Variants in RIT2 observed in about 807,000 individuals in gnomAD.
The protein encoded by RIT2 is GTP-binding protein Rit2.
Under a neutral mutation model 23.7 loss-of-function variants are expected in RIT2, and 24 were observed. The observed-to-expected ratio is 1.01, with a 90% confidence interval of 0.73 to 1.43. The LOEUF (loss-of-function observed/expected upper bound fraction) is 1.43, where lower values mean the gene tolerates loss of function less well. Among genes scored for constraint, RIT2 ranks in the 40% most tolerant of loss-of-function variants. The pLI is 0.00. For missense variants in RIT2, 236 were observed against 266.9 expected, an observed-to-expected ratio of 0.88 and a Z score of 0.81; for synonymous variants, 107 against 91.1, an observed-to-expected ratio of 1.17 and a Z score of -0.99.
At chr18:42,888,630 T>G (rs1366941050) in intron 4 of RIT2, among the ~76,000 whole-genome samples, 1 of 152,016 alleles carries the variant, frequency 6.6e-6, no homozygotes, top group African/African-American at 2.4e-5. Context: ...TGCTGCAGTA[T>G]TCACAATAGC....
At chr18:42,766,869 T>G (rs1042775717) in intron 4 of RIT2, among the ~76,000 whole-genome samples, 1 of 152,234 alleles carries the variant, frequency 6.6e-6, no homozygotes, top group Admixed American at 6.5e-5. Flanking sequence ...TTTTGGCCTG[T>G]GGCTTCAGAG....
intron 1 of RIT2, among the ~76,000 whole-genome samples, chr18:43,093,909 G>A (rs949642939): frequency 1.3e-5 from 2 of 151,994 alleles, no homozygotes. Context: ...GGTTTGGATT[G>A]CATAAGAAAC....
At chr18:43,025,685 A>G (rs908843707) in intron 2 of RIT2, among the ~76,000 whole-genome samples, 1 of 152,148 alleles carries the variant, frequency 6.6e-6, no homozygotes, top group African/African-American at 2.4e-5. Context: ...TGTCTTCTGC[A>G]GCACATGGAT....
In RIT2 at chr18:42,766,953, T is replaced by A. The variant is rs184072326; in HGVS notation, c.427-23233A>T. ...GGTGCACAGAAGTCAATAATTTAGGTTTGGGAGCCTCCGCCTAGATTTCAG... is the reference window on the plus strand; with the variant it reads ...GGTGCACAGAAGTCAATAATTTAGGATTGGGAGCCTCCGCCTAGATTTCAG... On this transcript the variant is annotated intron_variant, in intron 4 of 4. Coordinates refer to ENST00000326695, the MANE Select transcript of RIT2 (RefSeq NM_002930.4). 5.2e-3 allele frequency among the ~76,000 whole-genome samples: 789 copies of A among 152,234 alleles called. 6 individuals carry two copies. The highest frequency in any genetic ancestry group is 7.5e-3 in the Non-Finnish European group (508 of 68,012).
chr18:42,915,209 G>A (rs557822283), intron 4 of RIT2, among the ~76,000 whole-genome samples: 1 of 151,358 alleles, frequency 6.6e-6, no homozygotes, highest in African/African-American at 2.4e-5. Flanking sequence ...ATCGAGTACA[G>A]CCAGAGCCTA....
At chr18:43,069,265 T>C (rs1462946883) in intron 1 of RIT2, among the ~76,000 whole-genome samples, 1 of 152,094 alleles carries the variant, frequency 6.6e-6, no homozygotes, top group Non-Finnish European at 1.5e-5. Flanking sequence ...GTGTTCCTCC[T>C]CTTACTATTG....
chr18:43,055,527 C>A (rs1445716367), intron 1 of RIT2, among the ~76,000 whole-genome samples: 1 of 151,986 alleles, frequency 6.6e-6, no homozygotes, highest in Non-Finnish European at 1.5e-5. Flanking sequence ...AGAAAAGAGT[C>A]AAAAATGATT....
At chr18:42,797,556 G>T (rs748042966) in intron 4 of RIT2, among the ~76,000 whole-genome samples, 9 of 151,956 alleles carry the variant, frequency 5.9e-5, no homozygotes, top group African/African-American at 1.2e-4. Flanking sequence ...TGTTACTATT[G>T]TTTGTTGCAA....
At chr18:42,751,162 C>T (rs1299447344) in intron 4 of RIT2, among the ~76,000 whole-genome samples, 2 of 151,582 alleles carry the variant, frequency 1.3e-5, no homozygotes, top group African/African-American at 4.8e-5. Flanking sequence ...TCAGTGGTGC[C>T]CTGACATTGA....
rs562415395 is a variant in RIT2, at chr18:42,821,037, T to TC, written c.427-77318dup. 2.1e-3 allele frequency among the ~76,000 whole-genome samples: 313 copies of TC among 152,114 alleles called. 9 individuals carry two copies. The highest frequency in any genetic ancestry group is 0.019 in the Admixed American group (294 of 15,252). On this transcript the variant is annotated intron_variant, in intron 4 of 4. Coordinates refer to ENST00000326695, the MANE Select transcript of RIT2 (RefSeq NM_002930.4). ...TGACACTCCTGCTGCCCCTTCATCT[T>TC]CCCCCATGAATAAAAGTTTCCTGAG...
chr18:42,805,579 G>A (rs574353573), intron 4 of RIT2, among the ~76,000 whole-genome samples: 1 of 152,186 alleles, frequency 6.6e-6, no homozygotes, highest in South Asian at 2.1e-4. Context: ...AATGAATCTT[G>A]TACTCATGCC....
At chr18:42,810,168 G>T (rs946503571) in intron 4 of RIT2, among the ~76,000 whole-genome samples, 1 of 150,380 alleles carries the variant, frequency 6.6e-6, no homozygotes, top group African/African-American at 2.4e-5. Flanking sequence ...TCTAAAGAAA[G>T]AGATTATTTA....
intron 4 of RIT2, among the ~76,000 whole-genome samples, chr18:42,770,785 T>G (rs1040841572): frequency 7.4e-6 from 1 of 135,968 alleles, no homozygotes; most frequent in Admixed American, 7.6e-5. Flanking sequence ...TCACTGACAC[T>G]CAAAAAAAAA....
At chr18:42,866,934 C>T (rs554824437) in intron 4 of RIT2, among the ~76,000 whole-genome samples, 1 of 152,216 alleles carries the variant, frequency 6.6e-6, no homozygotes, top group Admixed American at 6.5e-5. Flanking sequence ...TCTCTGTCAC[C>T]AAAGGGCACT....
At chr18:43,079,383 C>T (rs1240684501) in intron 1 of RIT2, among the ~76,000 whole-genome samples, 1 of 152,140 alleles carries the variant, frequency 6.6e-6, no homozygotes, top group Non-Finnish European at 1.5e-5. Flanking sequence ...CTGTAATGAA[C>T]ATTTCTATTC....
At chr18:42,798,325 T>C (rs1262291273) in intron 4 of RIT2, among the ~76,000 whole-genome samples, 1 of 152,210 alleles carries the variant, frequency 6.6e-6, no homozygotes, top group African/African-American at 2.4e-5. Context: ...TTTGTGAACC[T>C]AATATTAGGG....
intron 4 of RIT2, among the ~76,000 whole-genome samples, chr18:42,899,830 C>T (rs1908427952): frequency 1.3e-5 from 2 of 151,854 alleles, no homozygotes; most frequent in African/African-American, 4.8e-5. Flanking sequence ...AGTTCCTTAC[C>T]TAAGGAATCA....
chr18:43,102,121 C>A (rs1913698439), intron 1 of RIT2, among the ~76,000 whole-genome samples: 1 of 152,130 alleles, frequency 6.6e-6, no homozygotes, highest in South Asian at 2.1e-4. Context: ...GAATCTAGTC[C>A]TATTTGAGAT....
At chr18:42,945,412 T>C (rs1027130166) in intron 3 of RIT2, among the ~76,000 whole-genome samples, 2 of 152,068 alleles carry the variant, frequency 1.3e-5, no homozygotes, top group Non-Finnish European at 2.9e-5. Context: ...TTAATATTCA[T>C]TTAGGCACAG....
Sources: allele counts gnomAD v4.1 joint callset (sites outside exome capture counted in the v4.1 genomes callset), GRCh38; gene constraint gnomAD v4.1.1; transcripts MANE v1.5; gene names NCBI Gene and HGNC (gene_info 2026-07-23, HGNC 2026-07-21).